Variants in KCNJ12 observed in about 807,000 individuals in gnomAD.
KCNJ12 encodes the protein ATP-sensitive inward rectifier potassium channel 12.
Under a neutral mutation model 22.3 loss-of-function variants are expected in KCNJ12, and 2 were observed. The ratio of observed to expected loss-of-function variants is 0.09; its 90% confidence interval spans 0.04 to 0.28. KCNJ12 has a LOEUF of 0.28. KCNJ12 is among the 10% of genes least tolerant of loss of function. KCNJ12 has a pLI of 1.00. For missense variants in KCNJ12, 155 were observed against 633.3 expected (o/e 0.24, Z 8.11); for synonymous variants, 117 against 261.4 (o/e 0.45, Z 5.33).
chr17:21,407,222 A>G (rs1906001924), intron 1 of KCNJ12, among the ~76,000 whole-genome samples: 1 of 151,700 alleles, frequency 6.6e-6, no homozygotes, highest in South Asian at 2.1e-4. Context: ...CCATCCATTC[A>G]CCCATCTATC....
chr17:21,389,533 G>A (rs1555559079), intron 1 of KCNJ12, among the ~76,000 whole-genome samples: 1 of 152,206 alleles, frequency 6.6e-6, no homozygotes, highest in African/African-American at 2.4e-5. Flanking sequence ...TGCTTGGGGA[G>A]TAAGTCAATG....
intron 1 of KCNJ12, among the ~76,000 whole-genome samples, chr17:21,399,810 C>T (rs553232787): frequency 3.8e-4 from 58 of 152,324 alleles, no homozygotes; most frequent in African/African-American, 1.3e-3. Context: ...CATGGACTGG[C>T]TGCGTGTCCC....
intron 1 of KCNJ12, among the ~76,000 whole-genome samples, chr17:21,385,354 C>G (rs1181759212): frequency 6.6e-6 from 1 of 152,204 alleles, no homozygotes; most frequent in Non-Finnish European, 1.5e-5. Flanking sequence ...AGTCCATTCT[C>G]GTGTCTGGGC....
chr17:21,377,250 G>C (rs1314152156), intron 1 of KCNJ12, among the ~76,000 whole-genome samples: 5 of 152,044 alleles, frequency 3.3e-5, no homozygotes, highest in African/African-American at 9.7e-5. Context: ...TAGGGGGCTC[G>C]GGAGGGAGCG....
chr17:21,410,912 C>T (rs1295079621), intron 2 of KCNJ12, among the ~76,000 whole-genome samples: 7 of 152,416 alleles, frequency 4.6e-5, no homozygotes, highest in East Asian at 1.9e-4. Context: ...TAGAAGAGCA[C>T]GTGGCAGGTA....
At chr17:21,387,358 C>T (rs1454040345) in intron 1 of KCNJ12, among the ~76,000 whole-genome samples, 5 of 135,122 alleles carry the variant, frequency 3.7e-5, no homozygotes, top group Non-Finnish European at 6.1e-5. Flanking sequence ...AGGAGAATGG[C>T]GTGAACCTGG....
chr17:21,381,613 C>T (rs781944981), intron 1 of KCNJ12, among the ~76,000 whole-genome samples: 10 of 152,126 alleles, frequency 6.6e-5, no homozygotes, highest in East Asian at 1.9e-4. Context: ...CCTCCCTTAC[C>T]GCTTTCATGT....
At chr17:21,393,789 C>T (rs1905266234) in intron 1 of KCNJ12, among the ~76,000 whole-genome samples, 1 of 152,238 alleles carries the variant, frequency 6.6e-6, no homozygotes, top group Non-Finnish European at 1.5e-5. Flanking sequence ...CCCGTGCCCC[C>T]AGGCCTTCAC....
chr17:21,413,524 G>T (rs1285501734), intron 2 of KCNJ12, among the ~76,000 whole-genome samples: 2 of 150,230 alleles, frequency 1.3e-5, no homozygotes, highest in Non-Finnish European at 3.0e-5. Flanking sequence ...GGCGGGGAGG[G>T]GTGGGCCTGT....
At chr17:21,378,135 C>T (rs1027675486) in intron 1 of KCNJ12, among the ~76,000 whole-genome samples, 4 of 152,232 alleles carry the variant, frequency 2.6e-5, no homozygotes, top group Admixed American at 1.3e-4. Context: ...CCTTCGCCCC[C>T]TCTGAGATGC....
chr17:21,410,657 C>T (rs1298708942), intron 2 of KCNJ12, among the ~76,000 whole-genome samples: 12 of 152,246 alleles, frequency 7.9e-5, no homozygotes, highest in Non-Finnish European at 1.6e-4. Flanking sequence ...TCATCACCAC[C>T]TGGGACTGCA....
At chr17:21,377,293 T>C (rs920816942) in intron 1 of KCNJ12, among the ~76,000 whole-genome samples, 1 of 152,014 alleles carries the variant, frequency 6.6e-6, no homozygotes, top group African/African-American at 2.4e-5. Context: ...GCACGGGTCC[T>C]ACGCGTGACC....
At chr17:21,392,703 G>A (rs184265715) in intron 1 of KCNJ12, among the ~76,000 whole-genome samples, 2 of 151,736 alleles carry the variant, frequency 1.3e-5, no homozygotes, top group East Asian at 3.9e-4. Context: ...TGTGTAGATG[G>A]GTTGTCTAAA....
At chr17:21,385,532 G>C (rs1555558537) in intron 1 of KCNJ12, among the ~76,000 whole-genome samples, 1 of 152,194 alleles carries the variant, frequency 6.6e-6, no homozygotes, top group Non-Finnish European at 1.5e-5. Flanking sequence ...GAGCGGCCAG[G>C]TCCCTCCCCA....
intron 1 of KCNJ12, among the ~76,000 whole-genome samples, chr17:21,397,122 G>T (rs1354519633): frequency 1.3e-5 from 2 of 152,242 alleles, no homozygotes; most frequent in Non-Finnish European, 2.9e-5. Context: ...AAAGGCATGG[G>T]CTTGTTCCCC....
intron 1 of KCNJ12, among the ~76,000 whole-genome samples, chr17:21,377,294 A>G (rs1904693096): frequency 6.6e-6 from 1 of 151,812 alleles, no homozygotes; most frequent in African/African-American, 2.4e-5. Context: ...CACGGGTCCT[A>G]CGCGTGACCT....
At chr17:21,389,994 C>T (rs986323673) in intron 1 of KCNJ12, among the ~76,000 whole-genome samples, 2 of 152,180 alleles carry the variant, frequency 1.3e-5, no homozygotes, top group Non-Finnish European at 2.9e-5. Context: ...AGACCCTCCT[C>T]CTCCTGCCTC....
Position 21,397,376 on chromosome 17 carries a change from C to T in KCNJ12, c.-178-11143C>T, listed in dbSNP as rs537251832. The stretch of plus-strand genomic sequence containing the variant: ...AGCTTCTCTTGCCTGAGATCGCTGC[C>T]GTGTGGGGCTTCAGCGCCCGGCTGC... On this transcript the variant is annotated intron_variant, in intron 1 of 2. Transcript: ENST00000583088. Among the ~76,000 whole-genome samples, 4 of 152,306 alleles carry T rather than the reference C, an allele frequency of 2.6e-5. No homozygotes were observed. In the South Asian group the frequency reaches 6.2e-4, roughly 24 times the overall value.
intron 1 of KCNJ12, among the ~76,000 whole-genome samples, 157 bp from the exon 2 acceptor site, chr17:21,408,362 G>A (rs1174056786): frequency 6.6e-6 from 1 of 152,212 alleles, no homozygotes; most frequent in Non-Finnish European, 1.5e-5. Flanking sequence ...TGAAGGTGTG[G>A]GGCATCAAAG....
Sources: allele counts gnomAD v4.1 joint callset (sites outside exome capture counted in the v4.1 genomes callset), GRCh38; gene constraint gnomAD v4.1.1; transcripts MANE v1.5; gene names NCBI Gene and HGNC (gene_info 2026-07-23, HGNC 2026-07-21).